Variants in USP49 observed in about 807,000 individuals in gnomAD.
The protein encoded by USP49 is ubiquitin carboxyl-terminal hydrolase 49.
Under a neutral mutation model 58.6 loss-of-function variants are expected in USP49, and 24 were observed. The ratio of observed to expected loss-of-function variants is 0.41; its 90% CI spans 0.30 to 0.58. USP49 has a LOEUF of 0.58. Among genes scored for constraint, USP49 ranks in the 20% least tolerant of loss-of-function variants. USP49 has a pLI of 0.30. For missense variants in USP49, 703 were observed against 866.1 expected, an observed-to-expected ratio of 0.81 and a Z score of 2.36; for synonymous variants, 408 against 365.1, an observed-to-expected ratio of 1.12 and a Z score of -1.34.
Position 41,791,255 on chromosome 6 carries a change from G to T in USP49, c.*5278C>A, listed in dbSNP as rs1447469700. The T allele has an allele frequency of 6.6e-6, 1 of 152,124 alleles. No homozygotes were observed. The highest frequency in any genetic ancestry group is 1.5e-5 in the Non-Finnish European group (1 of 68,016). The allele number at this position is 152,124 out of a possible 1,614,324, so 9.4% of individuals were successfully genotyped here. On this transcript the variant is annotated 3_prime_UTR_variant, in exon 8 of 8. Transcript: ENST00000682992. ...TAAAGCCATAATTATGGTTGAGTAA[G>T]GATTCATTTATTTATTTATTAAATT... is the stretch of plus-strand genomic sequence containing the variant.
chr6:41,859,354 C>A (rs570350233), intron 3 of USP49, among the ~76,000 whole-genome samples: 102 of 152,332 alleles, frequency 6.7e-4, no homozygotes, highest in African/African-American at 2.4e-3. Flanking sequence ...CCCTGGCTAT[C>A]CATTCCTTCC....
chr6:41,803,184 T>G lies in USP49; in HGVS notation c.1561+622A>C, dbSNP rs545026670. Among the ~76,000 whole-genome samples the G allele has an allele frequency of 6.6e-6, 1 of 152,342 alleles. No individual in the cohort carries two copies. Among genetic ancestry groups the G allele is most frequent in the South Asian group, 2.1e-4 (1 of 4,828 alleles). On this transcript the variant is annotated intron_variant, in intron 5 of 7. Transcript: ENST00000682992. The surrounding 1 kb of genome is among the most constrained non-coding windows in gnomAD (Gnocchi z 4.1). ...CAGCAGCCCCACAGCACTAAGAAGC[T>G]AAGTACTAACATTCTCAGAGTCCCC... is the stretch of plus-strand genomic sequence containing the variant.
intron 3 of USP49, among the ~76,000 whole-genome samples, chr6:41,828,467 G>A (rs1415404226): frequency 1.3e-5 from 2 of 152,116 alleles, no homozygotes; most frequent in African/African-American, 2.4e-5. Flanking sequence ...AAGCTGCTTT[G>A]AAGGTGCTAT....
chr6:41,799,756 T>C (rs1197263482), intron 6 of USP49, 74 bp downstream of exon 6: 4 of 1,315,586 alleles, frequency 3.0e-6, no homozygotes, highest in African/African-American at 1.5e-5. Context: ...TAGAAGACAT[T>C]TGCCCTCACC....
At chr6:41,872,708 C>T (rs909382986) in intron 2 of USP49, among the ~76,000 whole-genome samples, 1 of 148,726 alleles carries the variant, frequency 6.7e-6, no homozygotes, top group Non-Finnish European at 1.5e-5. Context: ...ACAATCCAGG[C>T]TAACATGGTG....
At chr6:41,879,579 T>A (rs1774567418) in intron 2 of USP49, among the ~76,000 whole-genome samples, 1 of 152,154 alleles carries the variant, frequency 6.6e-6, no homozygotes, top group Non-Finnish European at 1.5e-5. Flanking sequence ...TGCTGCCCTG[T>A]CTCCAAGCAG....
chr6:41,828,332 C>T (rs1295527352), intron 3 of USP49, among the ~76,000 whole-genome samples: 1 of 152,090 alleles, frequency 6.6e-6, no homozygotes, highest in Non-Finnish European at 1.5e-5. Flanking sequence ...GCCTGTAGTC[C>T]CAGCTACTTG....
At chr6:41,822,622 C>T (rs1773470907) in intron 3 of USP49, among the ~76,000 whole-genome samples, 2 of 152,060 alleles carry the variant, frequency 1.3e-5, no homozygotes, top group African/African-American at 2.4e-5. Context: ...CCGACGTGGG[C>T]GGATCACGAG....
chr6:41,797,780 AG>A (rs1772912498), intron 7 of USP49: 1 of 985,910 alleles, frequency 1.0e-6, no homozygotes, highest in Non-Finnish European at 1.2e-6. Context: ...ACCACAAAAC[AG>A]TAATATTATC....
intron 6 of USP49, among the ~76,000 whole-genome samples, chr6:41,799,212 C>G (rs979252851): frequency 1.3e-5 from 2 of 151,778 alleles, no homozygotes; most frequent in Non-Finnish European, 2.9e-5. Flanking sequence ...CTCAGGTGAT[C>G]CCCCCACCTC....
At chr6:41,865,190 AC>A (rs1387570293) in intron 3 of USP49, among the ~76,000 whole-genome samples, 1 of 151,858 alleles carries the variant, frequency 6.6e-6, no homozygotes, top group Non-Finnish European at 1.5e-5. Flanking sequence ...GATTACAGGC[AC>A]CCGCCATCAT....
chr6:41,842,569 T>C (rs571583743), intron 3 of USP49, among the ~76,000 whole-genome samples: 1 of 152,196 alleles, frequency 6.6e-6, no homozygotes, highest in Non-Finnish European at 1.5e-5. Flanking sequence ...ATCATGTCAG[T>C]ATATGTCAAA....
chr6:41,862,922 C>T (rs954015133), intron 3 of USP49, among the ~76,000 whole-genome samples: 1 of 152,012 alleles, frequency 6.6e-6, no homozygotes, highest in Non-Finnish European at 1.5e-5. Context: ...TACAGGCGTG[C>T]ACTACCACAC....
intron 3 of USP49, among the ~76,000 whole-genome samples, chr6:41,859,680 T>C (rs1774187348): frequency 6.6e-6 from 1 of 152,186 alleles, no homozygotes; most frequent in African/African-American, 2.4e-5. Context: ...AAATTATTAA[T>C]TGCTATGTCT....
At chr6:41,815,717 C>T (rs147445635) in intron 3 of USP49, among the ~76,000 whole-genome samples, 479 of 152,280 alleles carry the variant, frequency 3.1e-3, no homozygotes, top group African/African-American at 0.01. Context: ...GACCCAAGAG[C>T]TGGAATGTCC....
intron 3 of USP49, among the ~76,000 whole-genome samples, chr6:41,834,830 A>C (rs1327215510): frequency 6.6e-6 from 1 of 152,218 alleles, no homozygotes; most frequent in Non-Finnish European, 1.5e-5. Flanking sequence ...GTATTTCTTT[A>C]TAGCAATGTG....
chr6:41,822,108 CCACTAT>C (rs1773463145), intron 3 of USP49, among the ~76,000 whole-genome samples: 1 of 152,160 alleles, frequency 6.6e-6, no homozygotes, highest in African/African-American at 2.4e-5. Flanking sequence ...ACTAGTGCTA[CCACTAT>C]AACAGTTAAC....
At chr6:41,862,940 AT>A (rs1242930943) in intron 3 of USP49, among the ~76,000 whole-genome samples, 7 of 151,012 alleles carry the variant, frequency 4.6e-5, no homozygotes, top group Admixed American at 2.6e-4. Context: ...CACCTGGCTA[AT>A]TTTTTTTTGT....
rs574361628 is a variant in USP49, at chr6:41,882,050, T to G, written c.-103+9744A>C. ...AATATTTAAAAAAAAGATCCACAGA[T>G]AGTTATATCAATTTTGAAAAAAAAA... is the stretch of plus-strand genomic sequence containing the variant. On this transcript the variant is annotated intron_variant, in intron 2 of 7. Transcript: ENST00000682992. Among the ~76,000 whole-genome samples the G allele has an allele frequency of 9.9e-5, 15 of 150,756 alleles. No homozygotes were observed. The South Asian group carries it at 2.7e-3, about 27-fold the overall frequency.
Sources: allele counts gnomAD v4.1 joint callset (sites outside exome capture counted in the v4.1 genomes callset), GRCh38; gene constraint gnomAD v4.1.1; non-coding constraint Gnocchi (gnomAD v3.1); transcripts MANE v1.5; gene names NCBI Gene and HGNC (gene_info 2026-07-23, HGNC 2026-07-21).